The following CPQ variants were observed in gnomAD, a reference collection of about 807,000 sequenced individuals.
The protein encoded by CPQ is carboxypeptidase Q.
In CPQ, 37 loss-of-function variants were observed where a neutral mutation model predicts 45.7. The ratio of observed to expected loss-of-function variants is 0.81; its 90% CI spans 0.62 to 1.07. The LOEUF (loss-of-function observed/expected upper bound fraction) is 1.07. CPQ is among the 50% of genes least tolerant of loss of function. The pLI, the probability that CPQ is intolerant of heterozygous loss-of-function variation, is 0.00. For synonymous variants in CPQ, 186 were observed against 205.8 expected (o/e 0.90, Z 0.82); for missense variants, 537 against 572.9 (o/e 0.94, Z 0.64).
chr8:96,943,387 T>C (rs1406948698), intron 4 of CPQ, among the ~76,000 whole-genome samples: 1 of 152,190 alleles, frequency 6.6e-6, no homozygotes, highest in Non-Finnish European at 1.5e-5. Context: ...ATACAATCCA[T>C]AGATACAATT....
chr8:96,854,633 T>G (rs988689573), intron 3 of CPQ, among the ~76,000 whole-genome samples: 3 of 147,692 alleles, frequency 2.0e-5, no homozygotes, highest in Admixed American at 6.8e-5. Flanking sequence ...CAATAGGGTG[T>G]GTGTTTGTGT....
intron 2 of CPQ, among the ~76,000 whole-genome samples, chr8:96,797,170 C>T (rs1248282079): frequency 2.0e-5 from 3 of 152,164 alleles, no homozygotes; most frequent in African/African-American, 7.2e-5. Flanking sequence ...AGAAAACAGT[C>T]TCTGTCTAAT....
chr8:97,087,189 T>A (rs576414670), intron 7 of CPQ, among the ~76,000 whole-genome samples: 231 of 152,302 alleles, frequency 1.5e-3, no homozygotes, highest in Middle Eastern at 3.4e-3. Context: ...AACCACTTCA[T>A]AAATATTCAA....
In CPQ at chr8:96,854,549, A is replaced by AC. The variant is rs1811817997; in HGVS notation, c.641+19369_641+19370insC. 3.6e-5 allele frequency among the ~76,000 whole-genome samples: 4 copies of AC among 112,010 alleles called. 1 individual carries two copies. The highest frequency in any genetic ancestry group is 1.4e-4 in the African/African-American group (4 of 28,168). 73.5% of individuals were successfully genotyped at this position (112,010 alleles called of 152,430 possible). The stretch of plus-strand genomic sequence containing the variant: ...CCGTCTCAAAAAAAAAAAAAAAAAA[A>AC]AAAAAAAAAATGTGGTGGAACTAAA... On this transcript the variant is annotated intron_variant, in intron 3 of 7. Transcript: ENST00000220763.
At chr8:96,908,257 G>C (rs898254822) in intron 4 of CPQ, among the ~76,000 whole-genome samples, 1 of 152,018 alleles carries the variant, frequency 6.6e-6, no homozygotes, top group African/African-American at 2.4e-5. Context: ...CTTAAGGTTT[G>C]CTCCTCATTA....
At chr8:96,777,723 A>AATATATATATATATATATATATAT (rs71267279) in intron 1 of CPQ, among the ~76,000 whole-genome samples, 4 of 37,832 alleles carry the variant, frequency 1.1e-4, no homozygotes, top group African/African-American at 1.2e-4. Flanking sequence ...TGTCTTAGAA[A>AATATATATATATATATATATATAT]ATATATATAT....
intron 3 of CPQ, among the ~76,000 whole-genome samples, chr8:96,858,120 GAGA>G (rs1167853965): frequency 6.6e-6 from 1 of 152,138 alleles, no homozygotes; most frequent in Non-Finnish European, 1.5e-5. Context: ...AATGAGTGTG[GAGA>G]AGATGTGTAT....
chr8:97,111,176 G>A (rs940278507), intron 7 of CPQ, among the ~76,000 whole-genome samples: 1 of 152,138 alleles, frequency 6.6e-6, no homozygotes, highest in Non-Finnish European at 1.5e-5. Flanking sequence ...TATTCCTTGG[G>A]TGTGCCTGAT....
intron 3 of CPQ, among the ~76,000 whole-genome samples, chr8:96,844,297 C>G (rs1052024170): frequency 1.3e-5 from 2 of 152,208 alleles, no homozygotes; most frequent in Non-Finnish European, 2.9e-5. Flanking sequence ...TCCTCCCCAC[C>G]TCTGTCATCA....
chr8:96,758,632 A>T (rs1024106499), intron 1 of CPQ, among the ~76,000 whole-genome samples: 1 of 152,204 alleles, frequency 6.6e-6, no homozygotes, highest in African/African-American at 2.4e-5. Context: ...GCCTGCTGCC[A>T]TGTTAAGAAG....
rs58338307 is a variant in CPQ, at chr8:96,717,024, A to AATATATAT, written c.-34-67794_-34-67787dup. 1.4e-3 allele frequency among the ~76,000 whole-genome samples: 79 copies of AATATATAT among 56,544 alleles called. 1 individual carries two copies. The highest frequency in any genetic ancestry group is 1.8e-3 in the Non-Finnish European group (61 of 33,620). The allele number at this position is 56,544 out of a possible 152,430, so 37.1% of individuals were successfully genotyped here. A position where few individuals can be genotyped will look rare whatever the true frequency, so the allele number is the denominator to read the frequency against. Reference sequence around the variant, plus strand: ...TGGCTGAGCAGTATTCCATGATATAAATATATATATATATATATATATATA... The same window carrying AATATATAT: ...TGGCTGAGCAGTATTCCATGATATAAATATATATATATATATATATATATATATATATA... On this transcript the variant is annotated intron_variant, in intron 1 of 7. Transcript: ENST00000220763.
chr8:97,017,654 C>T (rs1184627781), intron 5 of CPQ, among the ~76,000 whole-genome samples: 1 of 152,130 alleles, frequency 6.6e-6, no homozygotes, highest in Admixed American at 6.5e-5. Context: ...ACTTCCCTGA[C>T]AACCTGCATT....
intron 2 of CPQ, among the ~76,000 whole-genome samples, chr8:96,808,793 C>T (rs1423574984): frequency 6.6e-6 from 1 of 151,988 alleles, no homozygotes; most frequent in African/African-American, 2.4e-5. Context: ...GTTTCCTCAC[C>T]CTCAAATGAG....
chr8:97,065,383 G>T (rs893919462), intron 6 of CPQ, among the ~76,000 whole-genome samples: 7 of 152,164 alleles, frequency 4.6e-5, no homozygotes, highest in Non-Finnish European at 8.8e-5. Flanking sequence ...AGCGTTGCCT[G>T]GAATTAACAG....
At chr8:96,679,818 G>T (rs1809126691) in intron 1 of CPQ, among the ~76,000 whole-genome samples, 1 of 146,526 alleles carries the variant, frequency 6.8e-6, no homozygotes, top group Non-Finnish European at 1.5e-5. Context: ...TCTTTTTCTT[G>T]GTTACTATAG....
At chr8:97,044,476 T>C (rs1233075153) in intron 6 of CPQ, among the ~76,000 whole-genome samples, 1 of 152,250 alleles carries the variant, frequency 6.6e-6, no homozygotes, top group Admixed American at 6.5e-5. Flanking sequence ...AGCCTTCTTC[T>C]CTCAACTTGT....
intron 3 of CPQ, among the ~76,000 whole-genome samples, chr8:96,868,473 C>A (rs550584010): frequency 2.0e-5 from 3 of 151,920 alleles, no homozygotes; most frequent in Admixed American, 6.6e-5. Context: ...TGACTTCAGG[C>A]GTATTCAATA....
intron 7 of CPQ, among the ~76,000 whole-genome samples, chr8:97,089,938 T>C (rs1811103432): frequency 6.6e-6 from 1 of 152,184 alleles, no homozygotes; most frequent in African/African-American, 2.4e-5. Context: ...TAAGTTCCCC[T>C]GCGGGCTAAG....
At chr8:97,065,258 G>C (rs1022882055) in intron 6 of CPQ, among the ~76,000 whole-genome samples, 1 of 152,166 alleles carries the variant, frequency 6.6e-6, no homozygotes, top group Admixed American at 6.6e-5. Context: ...TGTGCAACCT[G>C]TCAAGAGCCT....
Sources: allele counts gnomAD v4.1 joint callset (sites outside exome capture counted in the v4.1 genomes callset), GRCh38; gene constraint gnomAD v4.1.1; transcripts MANE v1.5; gene names NCBI Gene and HGNC (gene_info 2026-07-23, HGNC 2026-07-21).